The following CNTNAP5 variants were observed in gnomAD, a reference collection of about 807,000 sequenced individuals.
CNTNAP5 encodes contactin-associated protein-like 5.
In CNTNAP5, 72 loss-of-function variants were observed where a neutral mutation model predicts 150.2. That is an observed-to-expected ratio of 0.48 (90% CI 0.40 to 0.58). The LOEUF (loss-of-function observed/expected upper bound fraction) is 0.58. Ranked by LOEUF, CNTNAP5 falls within the 20% of genes least tolerant of loss-of-function variation. The probability of loss-of-function intolerance (pLI) is 0.00; values close to 1 mark genes in which losing one functional copy is unlikely to be tolerated. For synonymous variants in CNTNAP5, 672 were observed against 619.8 expected (o/e 1.08, Z -1.25); for missense variants, 1,636 against 1,626.2 (o/e 1.01, Z -0.10).
chr2:124,263,108 A>G (rs1163521809), intron 3 of CNTNAP5, among the ~76,000 whole-genome samples: 1 of 152,164 alleles, frequency 6.6e-6, no homozygotes, highest in Non-Finnish European at 1.5e-5. Flanking sequence ...CACAATAAAC[A>G]TACGTGTGTG....
intron 3 of CNTNAP5, among the ~76,000 whole-genome samples, chr2:124,414,543 A>T (rs1025707196): frequency 6.6e-6 from 1 of 152,150 alleles, no homozygotes; most frequent in African/African-American, 2.4e-5. Context: ...GTGAGATTGC[A>T]ATACTAAGGC....
intron 13 of CNTNAP5, among the ~76,000 whole-genome samples, chr2:124,703,063 C>A (rs2105092064): frequency 6.6e-6 from 1 of 152,068 alleles, no homozygotes; most frequent in Middle Eastern, 3.4e-3. Context: ...AGATTTTAAA[C>A]CTCTGTTCAT....
At chr2:124,653,767 A>G (rs942580246) in intron 13 of CNTNAP5, among the ~76,000 whole-genome samples, 1 of 152,228 alleles carries the variant, frequency 6.6e-6, no homozygotes, top group Non-Finnish European at 1.5e-5. Flanking sequence ...TAGCAGAATT[A>G]ACATTTTTCT....
intron 19 of CNTNAP5, among the ~76,000 whole-genome samples, chr2:124,859,729 A>C (rs1677469047): frequency 6.6e-6 from 1 of 152,204 alleles, no homozygotes; most frequent in South Asian, 2.1e-4. Context: ...CTATGCAGCC[A>C]TAAAAAAGGA....
intron 1 of CNTNAP5, among the ~76,000 whole-genome samples, chr2:124,067,606 A>G (rs1682193312): frequency 6.6e-6 from 1 of 152,228 alleles, no homozygotes; most frequent in South Asian, 2.1e-4. Context: ...TTACAGGTTC[A>G]AGAAATTAGA....
chr2:124,873,203 A>G (rs1019200303), intron 21 of CNTNAP5, among the ~76,000 whole-genome samples: 1 of 152,046 alleles, frequency 6.6e-6, no homozygotes, highest in Admixed American at 6.6e-5. Flanking sequence ...CAGGAAGAAG[A>G]GCGAGGAGGA....
At chr2:124,841,190 C>G (rs1682937742) in intron 19 of CNTNAP5, among the ~76,000 whole-genome samples, 1 of 151,832 alleles carries the variant, frequency 6.6e-6, no homozygotes, top group Non-Finnish European at 1.5e-5. Flanking sequence ...TTGAAATTAC[C>G]CCCATAAATA....
chr2:124,777,075 C>T (rs2104616134), intron 17 of CNTNAP5, among the ~76,000 whole-genome samples: 1 of 151,576 alleles, frequency 6.6e-6, no homozygotes, highest in South Asian at 2.1e-4. Flanking sequence ...GGTCCTGGGA[C>T]TGCCTCAGTA....
Position 124,772,844 on chromosome 2 carries a change from T to G in CNTNAP5, c.2579T>G (p.Val860Gly). Residue 860 changes from valine (V) to glycine (G), a missense_variant, in exon 17 of 24, where the codon GTG becomes GGG. Val to Gly is a moderately radical substitution (Grantham distance 109, BLOSUM62 -3). Transcript: ENST00000682447. ...GCCATCGATGTTGGGAATGGTCCTG[T>G]GGAGCTTGTAGTCCAGTCTCCTTCT... ...TFAIDVGNGP[V>G]ELVVQSPSLL... The G allele has an allele frequency of 6.2e-7, 1 of 1,613,778 alleles. No individual in the cohort carries two copies. The highest frequency in any genetic ancestry group is 8.5e-7 in the Non-Finnish European group (1 of 1,179,718).
intron 17 of CNTNAP5, among the ~76,000 whole-genome samples, chr2:124,785,728 T>C (rs538696846): frequency 6.6e-5 from 10 of 152,304 alleles, no homozygotes; most frequent in African/African-American, 1.9e-4. Flanking sequence ...GCTGTGTCAA[T>C]TGTGATCAGG....
At chr2:124,879,212 C>G (rs1415149331) in intron 21 of CNTNAP5, among the ~76,000 whole-genome samples, 2 of 152,026 alleles carry the variant, frequency 1.3e-5, no homozygotes, top group Non-Finnish European at 2.9e-5. Flanking sequence ...CATGAGGTTC[C>G]AAAGACAAGA....
chr2:124,556,393 A>T (rs188771337), intron 10 of CNTNAP5, among the ~76,000 whole-genome samples: 1 of 152,190 alleles, frequency 6.6e-6, no homozygotes, highest in Non-Finnish European at 1.5e-5. Flanking sequence ...CCAAGATCAA[A>T]ATTTCCTCTT....
intron 1 of CNTNAP5, among the ~76,000 whole-genome samples, chr2:124,057,155 C>T (rs947632690): frequency 2.0e-5 from 3 of 152,072 alleles, no homozygotes; most frequent in Admixed American, 1.3e-4. Flanking sequence ...CAGTTCTTTA[C>T]CCAATTAAGC....
intron 1 of CNTNAP5, among the ~76,000 whole-genome samples, chr2:124,150,277 T>G (rs1191194213): frequency 1.3e-5 from 2 of 152,214 alleles, no homozygotes; most frequent in African/African-American, 4.8e-5. Flanking sequence ...CAGCAACATA[T>G]AGTTCCAAAC....
chr2:124,909,592 A>C (rs1421719160), intron 22 of CNTNAP5, among the ~76,000 whole-genome samples: 3 of 151,658 alleles, frequency 2.0e-5, no homozygotes, highest in Non-Finnish European at 4.4e-5. Context: ...GATACAGGAG[A>C]TCTAATAACT....
chr2:124,388,627 T>A (rs1690996058), intron 3 of CNTNAP5, among the ~76,000 whole-genome samples: 1 of 152,220 alleles, frequency 6.6e-6, no homozygotes, highest in African/African-American at 2.4e-5. Context: ...CGTTCACTTG[T>A]GTGAATATTT....
intron 3 of CNTNAP5, among the ~76,000 whole-genome samples, chr2:124,404,710 T>G (rs1289969221): frequency 1.3e-5 from 2 of 152,220 alleles, no homozygotes; most frequent in Non-Finnish European, 2.9e-5. Flanking sequence ...TTCTATGTGC[T>G]TATTTTCTTT....
intron 3 of CNTNAP5, among the ~76,000 whole-genome samples, chr2:124,288,485 G>T (rs1282554891): frequency 1.3e-5 from 2 of 152,044 alleles, no homozygotes; most frequent in African/African-American, 4.8e-5. Context: ...CTTGTAAATA[G>T]AATTTTAAAA....
At chr2:124,495,890 A>G (rs560785788) in intron 7 of CNTNAP5, among the ~76,000 whole-genome samples, 2 of 152,218 alleles carry the variant, frequency 1.3e-5, no homozygotes, top group East Asian at 3.9e-4. Context: ...CTTGTCCTAC[A>G]AAGCTCAAAT....
Sources: gnomAD v4.1 joint callset for allele counts (sites outside exome capture counted in the v4.1 genomes callset) on GRCh38, gnomAD v4.1.1 for gene constraint, MANE v1.5 for transcripts, NCBI Gene and HGNC (gene_info 2026-07-23, HGNC 2026-07-21) for gene names.